Variants in NDUFAF6 observed in about 807,000 individuals in gnomAD.
NDUFAF6 encodes the protein NADH dehydrogenase (ubiquinone) complex I, assembly factor 6.
Under a neutral mutation model 40.8 loss-of-function variants are expected in NDUFAF6, and 45 were observed. The observed-to-expected ratio is 1.10, with a 90% CI of 0.87 to 1.42. The LOEUF (loss-of-function observed/expected upper bound fraction) is 1.42, where lower values mean the gene tolerates loss of function less well. NDUFAF6 is among the 40% of genes most tolerant of loss of function. NDUFAF6 has a pLI of 0.00. For missense variants in NDUFAF6, 435 were observed against 418.5 expected (o/e 1.04, Z -0.34); for synonymous variants, 185 against 155.9 (o/e 1.19, Z -1.39).
At chr8:95,082,816 C>T (rs1024939777) in intron 2 of NDUFAF6, among the ~76,000 whole-genome samples, 2 of 152,262 alleles carry the variant, frequency 1.3e-5, no homozygotes, top group East Asian at 3.9e-4. Context: ...CCCGCCACTA[C>T]GCCCGGCTAA....
intron 4 of NDUFAF6, among the ~76,000 whole-genome samples, chr8:95,043,023 G>A (rs1830311767): frequency 2.6e-5 from 4 of 151,212 alleles, no homozygotes; most frequent in Admixed American, 6.6e-5. Flanking sequence ...AGCTAAAACT[G>A]TGAAACTCTT....
chr8:94,983,671 C>T (rs956650180), intron 2 of NDUFAF6, among the ~76,000 whole-genome samples: 6 of 152,126 alleles, frequency 3.9e-5, no homozygotes, highest in African/African-American at 7.2e-5. Context: ...ATGGTTGTTA[C>T]CATTTTACAA....
At position 95,007,306 on chromosome 8, in the gene NDUFAF6, CA is replaced by C. The variant is rs11369422; in HGVS notation, c.-83-24677del. 3.3e-3 allele frequency among the ~76,000 whole-genome samples: 500 copies of C among 149,432 alleles called. 4 individuals carry two copies. In the Middle Eastern group the frequency reaches 0.045, roughly 13 times the overall value. ...TTTAACAAACTAATGCCTGTAATAC[CA>C]AAAAAAAAAAATTACAGCACAATAT... On this transcript the variant is annotated intron_variant, in intron 2 of 9. Coordinates refer to the NDUFAF6 transcript ENST00000396111.
Position 95,032,763 on chromosome 8 carries a change from T to A in NDUFAF6, c.297+669T>A, listed in dbSNP as rs74653670. Among the ~76,000 whole-genome samples the A allele has an allele frequency of 4.0e-3, 607 of 152,268 alleles. 3 individuals are homozygous for A. Among genetic ancestry groups the A allele is most frequent in the African/African-American group, 0.014 (580 of 41,552 alleles). ...GAGTCTTGAAGAGAGTAGCAAATTT[T>A]GACACAGATTCTCAGGGAATATGGT... is the stretch of plus-strand genomic sequence containing the variant. On this transcript the variant is annotated intron_variant, in intron 2 of 8. Coordinates refer to ENST00000396124, the MANE Select transcript of NDUFAF6 (RefSeq NM_152416.4).
At chr8:95,117,001 G>A (rs1810149282), downstream of NDUFAF6, among the ~76,000 whole-genome samples, 1 of 152,154 alleles carries the variant, frequency 6.6e-6, no homozygotes, top group South Asian at 2.1e-4. Context: ...ATGTTTCCTT[G>A]TTCATGACAG....
rs550856860 is a variant in NDUFAF6, at chr8:95,058,674, T to C, written c.*737T>C. The C allele has an allele frequency of 9.6e-7, 1 of 1,044,946 alleles. No individual in the cohort carries two copies. Among genetic ancestry groups the C allele is most frequent in the East Asian group, 7.2e-5 (1 of 13,952 alleles). 64.7% of individuals were successfully genotyped at this position (1,044,946 alleles called of 1,614,324 possible). ...GTTTGTATAAGTGATATGAACGGTA[T>C]TGTATTGAACATCCATTAAAGGGTT... On this transcript the variant is annotated 3_prime_UTR_variant, in exon 9 of 9. Coordinates refer to ENST00000396124, the MANE Select transcript of NDUFAF6 (RefSeq NM_152416.4).
At chr8:94,950,934 C>A (rs560088557) in intron 2 of NDUFAF6, 1 of 152,212 alleles carries the variant, frequency 6.6e-6, no homozygotes, top group African/African-American at 2.4e-5. Context: ...TAGAAAAATT[C>A]AATATGAAGT....
chr8:95,039,533 C>G (rs58297413), intron 3 of NDUFAF6, among the ~76,000 whole-genome samples: 1,948 of 151,394 alleles, frequency 0.013, 31 homozygotes, highest in African/African-American at 0.044. Context: ...CCACCTTATC[C>G]TCCCAAAGTG....
intron 2 of NDUFAF6, among the ~76,000 whole-genome samples, chr8:95,033,847 A>C (rs777421942): frequency 5.9e-5 from 9 of 152,178 alleles, no homozygotes; most frequent in South Asian, 4.1e-4. Flanking sequence ...GTGGTCCAGC[A>C]GAGCAGGGAG....
intron 1 of NDUFAF6, among the ~76,000 whole-genome samples, chr8:94,959,825 C>T (rs1466364294): frequency 1.3e-5 from 2 of 152,190 alleles, no homozygotes; most frequent in African/African-American, 4.8e-5. Context: ...TAGGCATGAG[C>T]CACCATGCCT....
chr8:95,018,107 C>T (rs559232377), intron 2 of NDUFAF6, among the ~76,000 whole-genome samples: 10 of 152,046 alleles, frequency 6.6e-5, no homozygotes, highest in African/African-American at 1.4e-4. Context: ...GTGCAGTGAT[C>T]GTGGCTCATT....
chr8:94,959,844 C>T (rs1823416591), intron 1 of NDUFAF6, among the ~76,000 whole-genome samples: 2 of 152,154 alleles, frequency 1.3e-5, no homozygotes, highest in South Asian at 4.1e-4. Flanking sequence ...CTGGCCTGGC[C>T]TATTTGTATG....
intron 1 of NDUFAF6, among the ~76,000 whole-genome samples, chr8:94,909,348 C>CAAAAAAAAAAAAAAAAAAAAAAAAAAAA (rs556065794): frequency 1.1e-5 from 1 of 91,924 alleles, no homozygotes; most frequent in Non-Finnish European, 2.0e-5. Flanking sequence ...GACTCCGTCT[C>CAAAAAAAAAAAAAAAAAAAAAAAAAAAA]AAAAAAAAAA....
intron 1 of NDUFAF6, among the ~76,000 whole-genome samples, chr8:94,910,814 GC>G (rs1374797214): frequency 6.6e-6 from 1 of 152,124 alleles, no homozygotes; most frequent in Non-Finnish European, 1.5e-5. Context: ...GTTTGTAATA[GC>G]AAAAACCTAG....
intron 2 of NDUFAF6, among the ~76,000 whole-genome samples, chr8:94,991,826 C>G (rs1826209131): frequency 8.0e-6 from 1 of 125,704 alleles, no homozygotes; most frequent in African/African-American, 3.0e-5. Flanking sequence ...TTTAAAGCAG[C>G]ACGAGATTCC....
chr8:95,036,317 G>A (rs1829496075), intron 3 of NDUFAF6: 1 of 1,286,348 alleles, frequency 7.8e-7, no homozygotes, highest in Middle Eastern at 2.1e-4. Flanking sequence ...GCCAAAAGAG[G>A]GTTTCTGTAA....
intron 2 of NDUFAF6, among the ~76,000 whole-genome samples, chr8:95,091,439 C>T (rs1309311455): frequency 6.6e-6 from 1 of 151,996 alleles, no homozygotes; most frequent in Non-Finnish European, 1.5e-5. Context: ...CAAGGTATCT[C>T]CCTAGAGACA....
At chr8:94,934,389 A>ATT (rs757874716) in intron 1 of NDUFAF6, among the ~76,000 whole-genome samples, 238 of 143,386 alleles carry the variant, frequency 1.7e-3, no homozygotes, top group African/African-American at 5.7e-3. Flanking sequence ...TATAAATTCT[A>ATT]TTTTTTTTTT....
In NDUFAF6 at chr8:95,114,923, G is replaced by A. The variant is rs141021064; in HGVS notation, n.345-613G>A. Reference sequence around the variant, plus strand: ...GAAAGCGTCTCGAAATTAGCCAGGCGTGGTGGCAGGTGTTTGTAATCCCAG... The same window carrying A: ...GAAAGCGTCTCGAAATTAGCCAGGCATGGTGGCAGGTGTTTGTAATCCCAG... On this transcript the variant is annotated intron_variant and non_coding_transcript_variant, in intron 4 of 5. Coordinates refer to the NDUFAF6 transcript ENST00000523184. Among the ~76,000 whole-genome samples the A allele has an allele frequency of 2.3e-3, 345 of 152,262 alleles. 1 individual carries two copies. The highest frequency in any genetic ancestry group is 7.3e-3 in the African/African-American group (303 of 41,548).
Sources: allele counts gnomAD v4.1 joint callset (sites outside exome capture counted in the v4.1 genomes callset), GRCh38; gene constraint gnomAD v4.1.1; transcripts MANE v1.5; gene names NCBI Gene and HGNC (gene_info 2026-07-23, HGNC 2026-07-21).